Variants in TBP observed in about 807,000 individuals in gnomAD.
TBP encodes TATA-box binding protein.
A neutral mutation model predicts 46.2 loss-of-function variants in TBP; 12 were observed. The observed-to-expected ratio is 0.26, with a 90% CI of 0.17 to 0.42. The LOEUF is 0.42. Among genes scored for constraint, TBP ranks in the 10% least tolerant of loss-of-function variants. TBP has a pLI of 1.00. For missense variants in TBP, 229 were observed against 403.1 expected (o/e 0.57, Z 3.70); for synonymous variants, 157 against 148.3 (o/e 1.06, Z -0.42).
At chr6:170,565,300 A>G (rs549639184) in intron 4 of TBP, among the ~76,000 whole-genome samples, 1 of 152,392 alleles carries the variant, frequency 6.6e-6, no homozygotes, top group Non-Finnish European at 1.5e-5. Context: ...ACAGCAGTCT[A>G]TAAAATAAGC....
Position 170,562,134 on chromosome 6 carries a change from C to T in TBP, c.398C>T (p.Pro133Leu), listed in dbSNP as rs199616061. The T allele has an allele frequency of 5.1e-5, 83 of 1,614,172 alleles. No homozygotes were observed. Among genetic ancestry groups the T allele is most frequent in the Middle Eastern group, 3.3e-4 (2 of 6,062 alleles). The change falls in exon 3 of 8, where the codon CCG (proline) becomes CTG (leucine). Residue 133 changes from proline to leucine, a missense_variant. Coordinates refer to ENST00000392092, the MANE Select transcript of TBP (RefSeq NM_003194.5). ...CAGACTCTCACAACTGCACCCTTGC[C>T]GGGCACCACTCCACTGTATCCCTCC... ...HSQTLTTAPLPGTTPLYPSPM... is the reference protein window; with the variant it reads ...HSQTLTTAPLLGTTPLYPSPM...
intron 5 of TBP, among the ~76,000 whole-genome samples, chr6:170,568,375 T>C (rs935018234): frequency 4.6e-5 from 7 of 152,116 alleles, no homozygotes; most frequent in African/African-American, 1.7e-4. Flanking sequence ...GCGTAGCATA[T>C]ATATATATGC....
At chr6:170,560,628 A>G (rs1779122781) in intron 2 of TBP, among the ~76,000 whole-genome samples, 1 of 152,370 alleles carries the variant, frequency 6.6e-6, no homozygotes, top group Admixed American at 6.5e-5. Flanking sequence ...ATCAACATGA[A>G]TAAGAGTTTG....
Position 170,572,419 on chromosome 6 carries a change from C to G in TBP, c.*154C>G. The stretch of plus-strand genomic sequence containing the variant: ...GGTGATGCCCTTCTGTAAGTGCCCA[C>G]CGCGGGATGCCGGGAAGGGGCATTA... On this transcript the variant is annotated 3_prime_UTR_variant, in exon 8 of 8. Transcript: ENST00000392092. 1 of 649,382 alleles carries G rather than the reference C, an allele frequency of 1.5e-6. No individual in the cohort carries two copies. Among genetic ancestry groups the G allele is most frequent in the Non-Finnish European group, 2.7e-6 (1 of 373,034 alleles). The allele number at this position is 649,382 out of a possible 1,614,324, so 40.2% of individuals were successfully genotyped here.
intron 2 of TBP, among the ~76,000 whole-genome samples, chr6:170,557,735 CAAAAAAA>C (rs35269766): frequency 5.8e-5 from 3 of 52,004 alleles, no homozygotes; most frequent in South Asian, 1.1e-3. Context: ...GACTCTGTCT[CAAAAAAA>C]AAAAAAAAAA....
At chr6:170,568,757 T>G (rs1409551296) in intron 5 of TBP, among the ~76,000 whole-genome samples, 2 of 150,222 alleles carry the variant, frequency 1.3e-5, no homozygotes, top group Admixed American at 6.6e-5. Flanking sequence ...CCGACCTGCC[T>G]GCCTGCCTTT....
chr6:170,572,559 T>C lies in TBP; in HGVS notation c.*294T>C. 3.0e-6 allele frequency: 1 copy of C among 332,494 alleles called. No homozygotes were observed. Among genetic ancestry groups the C allele is most frequent in the Non-Finnish European group, 5.4e-6 (1 of 184,894 alleles). 20.6% of individuals were successfully genotyped at this position (332,494 alleles called of 1,614,324 possible). ...GATTTTAAACACTGCTGTTGACAAG[T>C]TGGTTTGAGGGAGAAAACTTTAAGT... is the stretch of plus-strand genomic sequence containing the variant. On this transcript the variant is annotated 3_prime_UTR_variant, in exon 8 of 8. Transcript: ENST00000392092.
intron 1 of TBP, 43 bp downstream of exon 1, chr6:170,554,506 C>G (rs546139873): frequency 1.1e-4 from 17 of 152,884 alleles, no homozygotes; most frequent in Non-Finnish European, 2.3e-4. Flanking sequence ...GCGAAGGCCA[C>G]CACTGCACTG....
Position 170,572,398 on chromosome 6 carries a change from A to G in TBP, c.*133A>G. The G allele has an allele frequency of 1.3e-6, 1 of 756,004 alleles. No individual in the cohort carries two copies. Among genetic ancestry groups the G allele is most frequent in the Admixed American group, 2.5e-5 (1 of 39,458 alleles). The allele number at this position is 756,004 out of a possible 1,614,324, so 46.8% of individuals were successfully genotyped here. A position where few individuals can be genotyped will look rare whatever the true frequency, so the allele number is the denominator to read the frequency against. The stretch of plus-strand genomic sequence containing the variant: ...GAGTTGCAGGGTGTGGCACCAGGTG[A>G]TGCCCTTCTGTAAGTGCCCACCGCG... On this transcript the variant is annotated 3_prime_UTR_variant, in exon 8 of 8. Transcript: ENST00000392092.
At chr6:170,560,567 C>T (rs537043160) in intron 2 of TBP, among the ~76,000 whole-genome samples, 1 of 152,264 alleles carries the variant, frequency 6.6e-6, no homozygotes, top group Admixed American at 6.5e-5. Flanking sequence ...AAAGATTCAC[C>T]ATTCTAGATG....
At chr6:170,563,897 G>C (rs1779194951) in intron 3 of TBP, among the ~76,000 whole-genome samples, 1 of 152,226 alleles carries the variant, frequency 6.6e-6, no homozygotes, top group Admixed American at 6.5e-5. Context: ...TTGCTTTTTA[G>C]TATATCTTTA....
chr6:170,564,570 G>T lies in TBP; in HGVS notation c.523G>T (p.Gly175Cys), dbSNP rs1412175500. ...LQNIVSTVNLGCKLDLKTIAL... is the reference protein window; with the variant it reads ...LQNIVSTVNLCCKLDLKTIAL... The stretch of plus-strand genomic sequence containing the variant: ...AAATATTGTATCCACAGTGAATCTT[G>T]GTTGTAAACTTGACCTAAAGACCAT... The change falls in exon 4 of 8, where the codon GGT (glycine) becomes TGT (cysteine). Residue 175 changes from glycine (G) to cysteine (C), a missense_variant. This residue lies in a region of TBP where 67 missense variants were observed against 188.2 expected (regional missense o/e 0.36). Coordinates refer to ENST00000392092, the MANE Select transcript of TBP (RefSeq NM_003194.5). 1 of 1,609,006 alleles carries T rather than the reference G, an allele frequency of 6.2e-7. No homozygotes were observed. The highest frequency in any genetic ancestry group is 1.1e-5 in the South Asian group (1 of 90,082).
chr6:170,571,326 G>A, intron 6 of TBP, 84 bp from the exon 7 acceptor site: 1 of 885,218 alleles, frequency 1.1e-6, no homozygotes. Flanking sequence ...TGTTTATTCA[G>A]TATTTTTCCT....
chr6:170,568,449 C>G (rs1192015247), intron 5 of TBP, among the ~76,000 whole-genome samples: 1 of 117,106 alleles, frequency 8.5e-6, no homozygotes, highest in African/African-American at 3.3e-5. Flanking sequence ...TTTTCACATT[C>G]TTTTTTGTTG....
Position 170,556,942 on chromosome 6 carries a change from T to C in TBP, c.-88T>C, listed in dbSNP as rs1021109427. On this transcript the variant is annotated 5_prime_UTR_variant, in exon 2 of 8. Coordinates refer to ENST00000392092, the MANE Select transcript of TBP (RefSeq NM_003194.5). ...GAATTGAGGAAGTTGCTGAGAAGAGTGTGCTGGAGATGCTCTAGGAAAAAA... is the reference window on the plus strand; with the variant it reads ...GAATTGAGGAAGTTGCTGAGAAGAGCGTGCTGGAGATGCTCTAGGAAAAAA... The C allele has an allele frequency of 8.3e-7, 1 of 1,204,272 alleles. No homozygotes were observed. The highest frequency in any genetic ancestry group is 1.8e-5 in the Admixed American group (1 of 56,058). The allele number at this position is 1,204,272 out of a possible 1,614,324, so 74.6% of individuals were successfully genotyped here. A position where few individuals can be genotyped will look rare whatever the true frequency, so the allele number is the denominator to read the frequency against.
chr6:170,556,743 A>G (rs1313509858), intron 1 of TBP, 139 bp from the exon 2 acceptor site: 2 of 281,926 alleles, frequency 7.1e-6, no homozygotes, highest in African/African-American at 4.3e-5. Flanking sequence ...CTTTAGGATT[A>G]TAAGGTAAAA....
chr6:170,567,067 T>C, intron 5 of TBP, 58 bp downstream of exon 5: 1 of 1,447,092 alleles, frequency 6.9e-7, no homozygotes, highest in Non-Finnish European at 9.5e-7. Flanking sequence ...AGGTGATATC[T>C]CATTGTTTTT....
chr6:170,561,185 A>T (rs1407797210), intron 2 of TBP, among the ~76,000 whole-genome samples: 2 of 152,240 alleles, frequency 1.3e-5, no homozygotes, highest in Non-Finnish European at 2.9e-5. Flanking sequence ...GCAATAAAGC[A>T]TTTTTAAATT....
rs746303115 is a variant in TBP, at chr6:170,561,827, A to G, written c.91A>G (p.Met31Val). The change falls in exon 3 of 8, where the codon ATG becomes GTG. Residue 31 changes from methionine to valine, a missense_variant. By Grantham distance (21) the Met-to-Val change is conservative. Around this residue, in one of 4 missense-constraint regions of TBP, gnomAD observed 49 missense variants for 94.7 expected, o/e 0.52. Coordinates refer to ENST00000392092, the MANE Select transcript of TBP (RefSeq NM_003194.5). ...TCCCGGAATCCCTATCTTTAGTCCA[A>G]TGATGCCTTATGGCACTGGACTGAC... is the stretch of plus-strand genomic sequence containing the variant. ...MTPGIPIFSP[M>V]MPYGTGLTPQ... 6.2e-6 allele frequency: 10 copies of G among 1,613,096 alleles called. No individual in the cohort carries two copies. The highest frequency in any genetic ancestry group is 2.2e-5 in the South Asian group (2 of 91,072).
Sources: allele counts gnomAD v4.1 joint callset (sites outside exome capture counted in the v4.1 genomes callset), GRCh38; gene constraint gnomAD v4.1.1; regional missense constraint gnomAD v4.1.1; transcripts MANE v1.5; gene names NCBI Gene and HGNC (gene_info 2026-07-23, HGNC 2026-07-21).